The following SIM2 variants were observed in gnomAD, a reference collection of about 807,000 sequenced individuals.
SIM2 encodes SIM bHLH transcription factor 2, also known as single-minded homolog 2.
Under a neutral mutation model 64.8 loss-of-function variants are expected in SIM2, and 28 were observed. The observed-to-expected ratio is 0.43, with a 90% CI of 0.32 to 0.59. The LOEUF (loss-of-function observed/expected upper bound fraction) is 0.59. Among genes scored for constraint, SIM2 ranks in the 20% least tolerant of loss-of-function variants. The pLI, the probability that SIM2 is intolerant of heterozygous loss-of-function variation, is 0.07. For synonymous variants in SIM2, 408 were observed against 391.1 expected (o/e 1.04, Z -0.51); for missense variants, 847 against 871.4 (o/e 0.97, Z 0.35).
In SIM2 at chr21:36,748,839, C is replaced by A. The variant is rs1377337375; in HGVS notation, c.*747C>A. 6.6e-6 allele frequency: 1 copy of A among 152,520 alleles called. No individual in the cohort carries two copies. The highest frequency in any genetic ancestry group is 1.5e-5 in the Non-Finnish European group (1 of 68,034). The allele number at this position is 152,520 out of a possible 1,614,324, so 9.4% of individuals were successfully genotyped here. ...GAATATATTGAATAGGCATTAAATG[C>A]AAAAATATATATGTAGCCAGACAGT... On this transcript the variant is annotated 3_prime_UTR_variant, in exon 11 of 11. Coordinates refer to ENST00000290399, the MANE Select transcript of SIM2 (RefSeq NM_005069.6).
intron 1 of SIM2, among the ~76,000 whole-genome samples, chr21:36,704,909 G>A (rs1298158420): frequency 2.0e-5 from 3 of 152,248 alleles, no homozygotes; most frequent in Non-Finnish European, 4.4e-5. Context: ...GGGACCCCGG[G>A]GAGAACACGA....
In SIM2 at chr21:36,726,432, AGGAATGT is replaced by A; in HGVS notation, c.743+118_743+124del. ...ATCATAACAAGGAATAAGTCATAAT[AGGAATGT>A]GGATTAAGCAAAACCAATTTATGAA... is the stretch of plus-strand genomic sequence containing the variant. On this transcript the variant is annotated intron_variant, in intron 6 of 10. Coordinates refer to ENST00000290399, the MANE Select transcript of SIM2 (RefSeq NM_005069.6). This position sits in a 1 kb window ranked among gnomAD's most constrained non-coding sequence, Gnocchi z 4.5. 1.1e-6 allele frequency: 1 copy of A among 922,992 alleles called. No individual in the cohort carries two copies. Among genetic ancestry groups the A allele is most frequent in the Non-Finnish European group, 1.6e-6 (1 of 613,230 alleles). The allele number at this position is 922,992 out of a possible 1,614,324, so 57.2% of individuals were successfully genotyped here. A position where few individuals can be genotyped will look rare whatever the true frequency, so the allele number is the denominator to read the frequency against.
chr21:36,733,409 C>T (rs1426227782), intron 7 of SIM2, among the ~76,000 whole-genome samples: 2 of 151,326 alleles, frequency 1.3e-5, no homozygotes, highest in African/African-American at 4.9e-5. Context: ...AGTTTTAATA[C>T]AGACAGGGTT....
At chr21:36,713,060 G>T (rs2088698194) in intron 3 of SIM2, among the ~76,000 whole-genome samples, 1 of 152,222 alleles carries the variant, frequency 6.6e-6, no homozygotes, top group South Asian at 2.1e-4. Flanking sequence ...GTTCTTTGGG[G>T]AGAGAGAATG....
intron 6 of SIM2, among the ~76,000 whole-genome samples, chr21:36,728,002 G>C (rs2088915240): frequency 6.6e-6 from 1 of 152,098 alleles, no homozygotes; most frequent in Non-Finnish European, 1.5e-5. Context: ...AAGCAGACAG[G>C]AAACAGCGCT....
intron 5 of SIM2, 98 bp downstream of exon 5, chr21:36,723,228 C>A: frequency 1.1e-6 from 1 of 933,880 alleles, no homozygotes; most frequent in Non-Finnish European, 1.8e-6. Flanking sequence ...AGCACAAACT[C>A]GTCATCCCCA....
In SIM2 at chr21:36,708,536, C is replaced by G. The variant is rs573108968; in HGVS notation, c.176-632C>G. 2.0e-5 allele frequency among the ~76,000 whole-genome samples: 3 copies of G among 152,314 alleles called. No individual in the cohort carries two copies. In the East Asian group the frequency reaches 5.8e-4, roughly 29 times the overall value. ...CAGATTGGAGTCTGCTCTCGGGGAGCCCCCAGGTAAACCCCTCACAGGGAG... is the reference window on the plus strand; with the variant it reads ...CAGATTGGAGTCTGCTCTCGGGGAGGCCCCAGGTAAACCCCTCACAGGGAG... On this transcript the variant is annotated intron_variant, in intron 1 of 10. Coordinates refer to ENST00000290399, the MANE Select transcript of SIM2 (RefSeq NM_005069.6).
rs1268793922 is a variant in SIM2, at chr21:36,747,707, C to CCCCGAGCTT, written c.1628_1636dup (p.Phe543_Ser545dup). The CCCCGAGCTT allele has an allele frequency of 1.6e-6, 2 of 1,281,638 alleles. No homozygotes were observed. The highest frequency in any genetic ancestry group is 1.6e-5 in the African/African-American group (1 of 64,480). The allele number at this position is 1,281,638 out of a possible 1,614,324, so 79.4% of individuals were successfully genotyped here. On this transcript the variant is annotated inframe_insertion, in exon 11 of 11. Transcript: ENST00000290399. The surrounding 1 kb of genome is among the most constrained non-coding windows in gnomAD (Gnocchi z 4.5). ...CGCAGGTTCGGCGAGGACACCGCGC[C>CCCCGAGCTT]CCCGAGCTTCCCGAGCTGCGGCCAC...
chr21:36,707,332 G>C (rs2088598441), intron 1 of SIM2, among the ~76,000 whole-genome samples: 1 of 152,182 alleles, frequency 6.6e-6, no homozygotes, highest in African/African-American at 2.4e-5. Flanking sequence ...TGGGAGGAAG[G>C]ACCCGCTGGT....
rs748530297 is a variant in SIM2 at position 36,749,120 on chromosome 21, G to C, written c.*1028G>C. The C allele has an allele frequency of 7.9e-5, 12 of 152,652 alleles. No homozygotes were observed. Among genetic ancestry groups the C allele is most frequent in the Non-Finnish European group, 1.6e-4 (11 of 68,046 alleles). 9.5% of individuals were successfully genotyped at this position (152,652 alleles called of 1,614,324 possible). A position where few individuals can be genotyped will look rare whatever the true frequency, so the allele number is the denominator to read the frequency against. ...AACTTCGTAAGAACATGTTACGTGTGCAACAGGTAAACAGAAATCCTTTCA... is the reference window on the plus strand; with the variant it reads ...AACTTCGTAAGAACATGTTACGTGTCCAACAGGTAAACAGAAATCCTTTCA... On this transcript the variant is annotated 3_prime_UTR_variant, in exon 11 of 11. Coordinates refer to ENST00000290399, the MANE Select transcript of SIM2 (RefSeq NM_005069.6).
At chr21:36,720,002 T>C in intron 4 of SIM2, 73 bp downstream of exon 4, 1 of 1,081,470 alleles carries the variant, frequency 9.2e-7, no homozygotes, top group South Asian at 1.2e-5. Flanking sequence ...CTCAGGGCTT[T>C]GCTTCCCACA....
intron 7 of SIM2, among the ~76,000 whole-genome samples, chr21:36,735,062 G>A (rs1051974352): frequency 1.3e-5 from 2 of 152,318 alleles, no homozygotes; most frequent in South Asian, 4.1e-4. Flanking sequence ...ACAGCCGAGG[G>A]AGGCTGGCGC....
chr21:36,709,805 T>G (rs937644583), intron 2 of SIM2: 1 of 230,956 alleles, frequency 4.3e-6, no homozygotes, highest in Non-Finnish European at 8.5e-6. Flanking sequence ...TTCTGGTTTT[T>G]CAATTTGTTT....
Position 36,745,029 on chromosome 21 carries a change from A to C in SIM2, c.1469A>C (p.Gln490Pro). 6.2e-7 allele frequency: 1 copy of C among 1,614,222 alleles called. No individual in the cohort carries two copies. The highest frequency in any genetic ancestry group is 8.5e-7 in the Non-Finnish European group (1 of 1,180,034). ...LSTLPASGEC[Q>P]WHYANPLVPS... ...ACACTGCCAGCCAGCGGTGAATGCCAGTGGCATTATGCCAACCCCCTAGTG... is the reference window on the plus strand; with the variant it reads ...ACACTGCCAGCCAGCGGTGAATGCCCGTGGCATTATGCCAACCCCCTAGTG... The change falls in exon 10 of 11, where the codon CAG becomes CCG. Residue 490 changes from glutamine to proline, a missense_variant. By Grantham distance (76) the Gln-to-Pro change is moderately conservative. Coordinates refer to ENST00000290399, the MANE Select transcript of SIM2 (RefSeq NM_005069.6). This position sits in a 1 kb window ranked among gnomAD's most constrained non-coding sequence, Gnocchi z 4.8.
In SIM2 at chr21:36,716,020, G is replaced by T. The variant is rs181183565; in HGVS notation, c.348+3398G>T. 1.2e-3 allele frequency among the ~76,000 whole-genome samples: 184 copies of T among 152,288 alleles called. 1 individual carries two copies. The highest frequency in any genetic ancestry group is 4.1e-3 in the African/African-American group (171 of 41,570). ...TGTCTCCTCAGCCCAGGGTCCAAGT[G>T]TTAGGCAGTAGAGAGGCAGGCTTTC... On this transcript the variant is annotated intron_variant, in intron 3 of 10. Coordinates refer to ENST00000290399, the MANE Select transcript of SIM2 (RefSeq NM_005069.6).
At chr21:36,714,117 A>G (rs1262427479) in intron 3 of SIM2, among the ~76,000 whole-genome samples, 1 of 152,238 alleles carries the variant, frequency 6.6e-6, no homozygotes, top group Admixed American at 6.5e-5. Context: ...GCACCAACCT[A>G]CTATTATTAT....
chr21:36,732,590 G>A (rs537952508), intron 7 of SIM2, among the ~76,000 whole-genome samples: 15 of 152,352 alleles, frequency 9.8e-5, no homozygotes, highest in African/African-American at 2.2e-4. Context: ...GGCTGAGCAG[G>A]CACAGACGGC....
Position 36,719,942 on chromosome 21 carries a change from G to C in SIM2, c.457+13G>C. ...CACCTGCTCCAAGGTATTCCATCCA[G>C]AGGGAAAAAAAAAAACAGACTAAAA... On this transcript the variant is annotated intron_variant, in intron 4 of 10. Transcript: ENST00000290399. 6.6e-7 allele frequency: 1 copy of C among 1,517,770 alleles called. No homozygotes were observed. The highest frequency in any genetic ancestry group is 9.1e-7 in the Non-Finnish European group (1 of 1,104,016). The allele number at this position is 1,517,770 out of a possible 1,614,324, so 94.0% of individuals were successfully genotyped here.
At chr21:36,727,633 G>A (rs1442470747) in intron 6 of SIM2, among the ~76,000 whole-genome samples, 1 of 152,190 alleles carries the variant, frequency 6.6e-6, no homozygotes, top group East Asian at 1.9e-4. Flanking sequence ...TGGCAGGTAG[G>A]TTCCTCAGCT....
Sources: gnomAD v4.1 joint callset for allele counts (sites outside exome capture counted in the v4.1 genomes callset) on GRCh38, gnomAD v4.1.1 for gene constraint, Gnocchi (gnomAD v3.1) non-coding constraint, MANE v1.5 for transcripts, NCBI Gene and HGNC (gene_info 2026-07-23, HGNC 2026-07-21) for gene names.